Variants in EXOC4 observed in about 807,000 individuals in gnomAD.
EXOC4 encodes exocyst complex component 4.
A neutral mutation model predicts 107.2 loss-of-function variants in EXOC4; 71 were observed. The observed-to-expected ratio is 0.66, with a 90% CI of 0.55 to 0.81. The LOEUF is 0.81. EXOC4 is among the 30% of genes least tolerant of loss of function. The pLI is 0.00. For missense variants in EXOC4, 1,108 were observed against 1,189.6 expected (o/e 0.93, Z 1.01); for synonymous variants, 456 against 441.2 (o/e 1.03, Z -0.42).
At chr7:133,308,548 C>T (rs1379486832) in intron 4 of EXOC4, among the ~76,000 whole-genome samples, 1 of 152,146 alleles carries the variant, frequency 6.6e-6, no homozygotes, top group African/African-American at 2.4e-5. Context: ...AAGTAAATTT[C>T]TGTTGTCTAA....
chr7:133,551,775 T>C (rs1240453133), intron 9 of EXOC4: 1 of 152,040 alleles, frequency 6.6e-6, no homozygotes, highest in Non-Finnish European at 1.5e-5. Flanking sequence ...AATAAGGAAA[T>C]GAAAATAATA....
intron 6 of EXOC4, among the ~76,000 whole-genome samples, chr7:133,368,603 T>C (rs1343798789): frequency 6.6e-6 from 1 of 152,242 alleles, no homozygotes; most frequent in Non-Finnish European, 1.5e-5. Context: ...ACGTGAAATT[T>C]GGAGAAGTCT....
intron 14 of EXOC4, among the ~76,000 whole-genome samples, chr7:133,949,890 T>TA (rs1224823763): frequency 6.6e-6 from 1 of 152,132 alleles, no homozygotes; most frequent in Non-Finnish European, 1.5e-5. Flanking sequence ...GATTTTTTTT[T>TA]AACAATCACC....
intron 2 of EXOC4, among the ~76,000 whole-genome samples, chr7:133,285,211 T>G (rs1794247444): frequency 6.6e-6 from 1 of 152,192 alleles, no homozygotes; most frequent in African/African-American, 2.4e-5. Flanking sequence ...ATACTGTGAT[T>G]ATGTTTTGTG....
Position 133,532,097 on chromosome 7 carries a change from C to T in EXOC4, c.1417+51959C>T, listed in dbSNP as rs139905023. ...GTGTAGAATTCTCTACTTGTAGTGT[C>T]GTAACGATGCTCAAAAAGTTTTGGA... On this transcript the variant is annotated intron_variant, in intron 9 of 17. Coordinates refer to ENST00000253861, the MANE Select transcript of EXOC4 (RefSeq NM_021807.4). Among the ~76,000 whole-genome samples, 270 of 152,046 alleles carry T rather than the reference C, an allele frequency of 1.8e-3. 1 individual carries two copies. The highest frequency in any genetic ancestry group is 6.1e-3 in the African/African-American group (252 of 41,502).
intron 7 of EXOC4, among the ~76,000 whole-genome samples, chr7:133,431,671 C>T (rs1164252864): frequency 2.6e-5 from 4 of 152,228 alleles, no homozygotes; most frequent in African/African-American, 7.2e-5. Flanking sequence ...GCATAGATTA[C>T]CCTGTATCTG....
At chr7:133,403,437 T>TG (rs1163820572) in intron 7 of EXOC4, among the ~76,000 whole-genome samples, 1 of 152,222 alleles carries the variant, frequency 6.6e-6, no homozygotes, top group Non-Finnish European at 1.5e-5. Context: ...GACCCAGAGC[T>TG]GAAGTTCAGA....
intron 9 of EXOC4, among the ~76,000 whole-genome samples, chr7:133,537,772 T>A (rs1800302480): frequency 6.6e-6 from 1 of 152,194 alleles, no homozygotes; most frequent in African/African-American, 2.4e-5. Flanking sequence ...CACTCTTTCA[T>A]TTATTTTTAT....
At chr7:133,503,977 G>C (rs1449339116) in intron 9 of EXOC4, among the ~76,000 whole-genome samples, 1 of 149,334 alleles carries the variant, frequency 6.7e-6, no homozygotes, top group Non-Finnish European at 1.5e-5. Context: ...ATAGACACAC[G>C]TATGTATATG....
At chr7:133,843,537 A>T (rs116459353) in intron 11 of EXOC4, among the ~76,000 whole-genome samples, 1 of 152,214 alleles carries the variant, frequency 6.6e-6, no homozygotes, top group South Asian at 2.1e-4. Flanking sequence ...AACTTTGCCA[A>T]AGTTGCTTAT....
At chr7:133,560,201 A>G (rs189419666) in intron 9 of EXOC4, among the ~76,000 whole-genome samples, 5 of 152,264 alleles carry the variant, frequency 3.3e-5, no homozygotes, top group Admixed American at 2.0e-4. Flanking sequence ...TCCAGTATAC[A>G]TCCCATGTTT....
intron 5 of EXOC4, among the ~76,000 whole-genome samples, chr7:133,355,149 C>T (rs536432476): frequency 1.3e-5 from 2 of 152,134 alleles, no homozygotes; most frequent in African/African-American, 2.4e-5. Context: ...GATTTCAGTA[C>T]CATTCTAGTA....
rs146445807 is a variant in EXOC4 at position 133,984,813 on chromosome 7, C to G, written c.2207-12679C>G. On this transcript the variant is annotated intron_variant, in intron 14 of 17. Coordinates refer to ENST00000253861, the MANE Select transcript of EXOC4 (RefSeq NM_021807.4). ...GGTGCCACATCTCCCATTTGGTCCT[C>G]ACAACAACTCCCTAAGTTGTGTATT... Among the ~76,000 whole-genome samples, 27 of 152,230 alleles carry G rather than the reference C, an allele frequency of 1.8e-4. No individual in the cohort carries two copies. The East Asian group carries it at 4.1e-3, about 23-fold the overall frequency.
At chr7:133,455,317 CA>C (rs1029286334) in intron 7 of EXOC4, among the ~76,000 whole-genome samples, 6 of 151,990 alleles carry the variant, frequency 3.9e-5, no homozygotes, top group Non-Finnish European at 8.8e-5. Flanking sequence ...TGTAATTTTT[CA>C]TTTAATTTTT....
In EXOC4 at chr7:133,526,793, A is replaced by G. The variant is rs1056895795; in HGVS notation, c.1417+46655A>G. On this transcript the variant is annotated intron_variant, in intron 9 of 17. Coordinates refer to ENST00000253861, the MANE Select transcript of EXOC4 (RefSeq NM_021807.4). ...GAGACCATCCTGGCCAACATGGTGA[A>G]ACCTCGCCTCCACTAAAAATACAAA... is the stretch of plus-strand genomic sequence containing the variant. Among the ~76,000 whole-genome samples, 4 of 152,148 alleles carry G rather than the reference A, an allele frequency of 2.6e-5. No individual in the cohort carries two copies. In the South Asian group the frequency reaches 6.2e-4, roughly 24 times the overall value.
At chr7:134,006,133 CTG>C (rs1464081882) in intron 16 of EXOC4, among the ~76,000 whole-genome samples, 3 of 152,154 alleles carry the variant, frequency 2.0e-5, no homozygotes, top group African/African-American at 7.2e-5. Context: ...GTGCTCTTGA[CTG>C]TGGCTCTTCC....
At chr7:133,486,100 G>C (rs1799265655) in intron 9 of EXOC4, among the ~76,000 whole-genome samples, 1 of 151,996 alleles carries the variant, frequency 6.6e-6, no homozygotes, top group African/African-American at 2.4e-5. Context: ...AACCACTTGA[G>C]ACCTCACTTC....
chr7:133,493,494 A>G (rs1799415605), intron 9 of EXOC4, among the ~76,000 whole-genome samples: 1 of 152,234 alleles, frequency 6.6e-6, no homozygotes, highest in Non-Finnish European at 1.5e-5. Context: ...ATAAATGTTA[A>G]CAACTATTAT....
intron 5 of EXOC4, among the ~76,000 whole-genome samples, chr7:133,322,299 A>G (rs1021490538): frequency 3.3e-5 from 5 of 152,078 alleles, no homozygotes; most frequent in Non-Finnish European, 5.9e-5. Flanking sequence ...GCCCATTCCT[A>G]TGTCCTGAAT....
Sources: allele counts gnomAD v4.1 joint callset (sites outside exome capture counted in the v4.1 genomes callset), GRCh38; gene constraint gnomAD v4.1.1; transcripts MANE v1.5; gene names NCBI Gene and HGNC (gene_info 2026-07-23, HGNC 2026-07-21).